The following LRRC4C variants were observed in gnomAD, a reference collection of about 807,000 sequenced individuals.
LRRC4C encodes leucine-rich repeat-containing protein 4C.
In LRRC4C, 5 loss-of-function variants were observed where a neutral mutation model predicts 33.6. That is an observed-to-expected ratio of 0.15 (90% CI 0.08 to 0.31). The LOEUF (loss-of-function observed/expected upper bound fraction) is 0.31. LRRC4C is among the 10% of genes least tolerant of loss of function. The probability of loss-of-function intolerance (pLI) is 1.00; values close to 1 mark genes in which losing one functional copy is unlikely to be tolerated. For synonymous variants in LRRC4C, 329 were observed against 302.0 expected (o/e 1.09, Z -0.93); for missense variants, 560 against 796.7 (o/e 0.70, Z 3.58).
chr11:40,840,466 T>C (rs1208113219), intron 2 of LRRC4C, among the ~76,000 whole-genome samples: 1 of 152,192 alleles, frequency 6.6e-6, no homozygotes, highest in Non-Finnish European at 1.5e-5. Flanking sequence ...AAAAAGCAGA[T>C]TTTAGAGTTG....
chr11:40,773,818 T>G (rs1200811947), intron 2 of LRRC4C, among the ~76,000 whole-genome samples: 1 of 152,098 alleles, frequency 6.6e-6, no homozygotes. Context: ...ACAGGTTTTT[T>G]CAATTAATTA....
At chr11:41,063,652 A>C (rs2135380174) in intron 1 of LRRC4C, among the ~76,000 whole-genome samples, 2 of 152,288 alleles carry the variant, frequency 1.3e-5, no homozygotes, top group Middle Eastern at 6.8e-3. Flanking sequence ...AAAGAGGAAA[A>C]TGGATAGGGA....
chr11:40,768,628 G>A (rs545436883), intron 2 of LRRC4C, among the ~76,000 whole-genome samples: 1 of 152,124 alleles, frequency 6.6e-6, no homozygotes, highest in East Asian at 1.9e-4. Context: ...CATATTGAAA[G>A]GATCATTCAC....
chr11:40,237,761 G>A (rs1021357358), intron 5 of LRRC4C, among the ~76,000 whole-genome samples: 1 of 152,116 alleles, frequency 6.6e-6, no homozygotes, highest in South Asian at 2.1e-4. Context: ...TGAAGTTTGA[G>A]TATTGCCTGG....
intron 2 of LRRC4C, among the ~76,000 whole-genome samples, chr11:40,742,441 A>G (rs1203305591): frequency 2.6e-5 from 4 of 152,038 alleles, no homozygotes; most frequent in East Asian, 1.9e-4. Flanking sequence ...AAAGCTACCA[A>G]TGGCTCTTCA....
chr11:41,453,171 C>T (rs900682308), intron 1 of LRRC4C, among the ~76,000 whole-genome samples: 1 of 152,096 alleles, frequency 6.6e-6, no homozygotes, highest in Non-Finnish European at 1.5e-5. Context: ...TTTAGTGTTA[C>T]AGAGAAGACT....
intron 1 of LRRC4C, among the ~76,000 whole-genome samples, chr11:41,408,820 G>C (rs1161094042): frequency 6.6e-6 from 1 of 151,050 alleles, no homozygotes; most frequent in Non-Finnish European, 1.5e-5. Context: ...TATTATGGAA[G>C]TGAAAGAGCC....
chr11:41,250,892 T>G (rs949658489), intron 1 of LRRC4C, among the ~76,000 whole-genome samples: 2 of 152,212 alleles, frequency 1.3e-5, no homozygotes, highest in African/African-American at 4.8e-5. Flanking sequence ...GATTTTTGAC[T>G]CAACTGTCAG....
intron 4 of LRRC4C, among the ~76,000 whole-genome samples, chr11:40,247,542 G>A (rs1590812617): frequency 6.6e-6 from 1 of 152,212 alleles, no homozygotes; most frequent in Non-Finnish European, 1.5e-5. Context: ...AGCAAAATGA[G>A]ATTCTATCAC....
intron 3 of LRRC4C, among the ~76,000 whole-genome samples, chr11:40,535,600 G>A (rs551763139): frequency 6.6e-6 from 1 of 152,322 alleles, no homozygotes; most frequent in East Asian, 1.9e-4. Flanking sequence ...ATTAGTTTGT[G>A]TGTGTGTTTT....
At chr11:40,809,478 T>A (rs536067814) in intron 2 of LRRC4C, among the ~76,000 whole-genome samples, 25 of 152,302 alleles carry the variant, frequency 1.6e-4, no homozygotes, top group African/African-American at 5.8e-4. Context: ...TAAAAATTTC[T>A]ACATCTCCCC....
intron 3 of LRRC4C, among the ~76,000 whole-genome samples, chr11:40,437,972 T>C (rs1056000290): frequency 6.6e-6 from 1 of 152,222 alleles, no homozygotes; most frequent in Non-Finnish European, 1.5e-5. Context: ...AGTGCTGGGA[T>C]TACAGACTTG....
chr11:41,344,509 C>A (rs939521245), intron 1 of LRRC4C, among the ~76,000 whole-genome samples: 1 of 152,134 alleles, frequency 6.6e-6, no homozygotes, highest in Non-Finnish European at 1.5e-5. Flanking sequence ...CGTGAGCCAC[C>A]GCGCCCGGCC....
intron 5 of LRRC4C, among the ~76,000 whole-genome samples, chr11:40,156,199 C>A (rs1015296838): frequency 2.6e-5 from 4 of 152,028 alleles, no homozygotes; most frequent in Non-Finnish European, 5.9e-5. Flanking sequence ...AAGAGACATA[C>A]CTGAATGTAA....
rs377673440 is a variant in LRRC4C, at chr11:40,123,256, C to G, written c.-42-6922G>C. Among the ~76,000 whole-genome samples the G allele has an allele frequency of 6.0e-4, 91 of 152,070 alleles. 3 individuals are homozygous for G. In the South Asian group the frequency reaches 0.017, roughly 28 times the overall value. On this transcript the variant is annotated intron_variant, in intron 6 of 6. Coordinates refer to ENST00000528697, the MANE Select transcript of LRRC4C (RefSeq NM_001258419.2). Reference sequence around the variant, plus strand: ...ATATTTTTGGAAATTGTAGCTAGAGCAATCAGACATGACAAATAAAGGACA... The same window carrying G: ...ATATTTTTGGAAATTGTAGCTAGAGGAATCAGACATGACAAATAAAGGACA...
chr11:41,370,732 C>G (rs920055970), intron 1 of LRRC4C, among the ~76,000 whole-genome samples: 6 of 152,210 alleles, frequency 3.9e-5, no homozygotes, highest in African/African-American at 1.4e-4. Flanking sequence ...TTTGGAGAGA[C>G]ATGGTCCCAC....
intron 1 of LRRC4C, among the ~76,000 whole-genome samples, chr11:41,345,163 G>C (rs985058121): frequency 6.6e-6 from 1 of 152,078 alleles, no homozygotes; most frequent in African/African-American, 2.4e-5. Flanking sequence ...AGTTGTACTT[G>C]GTTTTACCTC....
intron 2 of LRRC4C, among the ~76,000 whole-genome samples, chr11:40,760,800 T>TATAC (rs1322372168): frequency 2.8e-3 from 149 of 52,868 alleles, no homozygotes; most frequent in African/African-American, 9.1e-3. Context: ...TATATATATA[T>TATAC]ACACACACAC....
intron 2 of LRRC4C, among the ~76,000 whole-genome samples, chr11:40,746,780 T>C (rs866076950): frequency 2.0e-4 from 31 of 152,152 alleles, no homozygotes; most frequent in African/African-American, 6.0e-4. Flanking sequence ...CCTCCTAAGA[T>C]TGGGCCTGCC....
Sources: allele counts gnomAD v4.1 joint callset (sites outside exome capture counted in the v4.1 genomes callset), GRCh38; gene constraint gnomAD v4.1.1; transcripts MANE v1.5; gene names NCBI Gene and HGNC (gene_info 2026-07-23, HGNC 2026-07-21).